CADM2: variants seen among roughly 807,000 people sequenced by gnomAD.
CADM2 encodes cell adhesion molecule 2.
A neutral mutation model predicts 49.8 loss-of-function variants in CADM2; 12 were observed. The observed-to-expected ratio is 0.24, with a 90% CI of 0.15 to 0.39. The LOEUF (loss-of-function observed/expected upper bound fraction) is 0.39, where lower values mean the gene tolerates loss of function less well. Among genes scored for constraint, CADM2 ranks in the 10% least tolerant of loss-of-function variants. The pLI is 1.00. For missense variants in CADM2, 378 were observed against 492.3 expected (o/e 0.77, Z 2.20); for synonymous variants, 214 against 175.4 (o/e 1.22, Z -1.74).
chr3:85,990,498 G>C lies in CADM2; in HGVS notation c.970+28851G>C, dbSNP rs559632660. ...ATCTGTATGTGATTGCTTATTGCAG[G>C]CTGCGTTGGGAAAAGACAGACTCTA... is the stretch of plus-strand genomic sequence containing the variant. On this transcript the variant is annotated intron_variant, in intron 8 of 9. Transcript: ENST00000383699. 4.5e-4 allele frequency among the ~76,000 whole-genome samples: 69 copies of C among 152,264 alleles called. No homozygotes were observed. The South Asian group carries it at 4.8e-3, about 11-fold the overall frequency.
Position 85,184,700 on chromosome 3 carries a change from T to G in CADM2, c.61+225032T>G, listed in dbSNP as rs112230730. ...GAGATAAACACCTAAATAAGTTAGC[T>G]GAATCAGATTAGGAATAACTTAACA... is the stretch of plus-strand genomic sequence containing the variant. On this transcript the variant is annotated intron_variant, in intron 1 of 9. Coordinates refer to ENST00000383699, the MANE Select transcript of CADM2 (RefSeq NM_001167675.2). Among the ~76,000 whole-genome samples, 1,052 of 152,192 alleles carry G rather than the reference T, an allele frequency of 6.9e-3. 10 individuals carry two copies. The highest frequency in any genetic ancestry group is 0.023 in the African/African-American group (963 of 41,554).
intron 8 of CADM2, among the ~76,000 whole-genome samples, chr3:86,035,990 G>C (rs1315316652): frequency 6.6e-6 from 1 of 152,034 alleles, no homozygotes; most frequent in African/African-American, 2.4e-5. Flanking sequence ...TGTCTCTTCT[G>C]TTTCTAAAAG....
intron 3 of CADM2, among the ~76,000 whole-genome samples, chr3:85,881,527 G>A (rs1323784301): frequency 6.6e-6 from 1 of 152,120 alleles, no homozygotes; most frequent in Admixed American, 6.5e-5. Flanking sequence ...AGAAGCAGTT[G>A]CCCTGTTAAG....
At chr3:85,915,370 T>C (rs2108488710) in intron 6 of CADM2, among the ~76,000 whole-genome samples, 1 of 152,234 alleles carries the variant, frequency 6.6e-6, no homozygotes, top group African/African-American at 2.4e-5. Flanking sequence ...TTAAATTATT[T>C]TCCTAGCATC....
At chr3:85,088,486 G>T (rs993174497) in intron 1 of CADM2, among the ~76,000 whole-genome samples, 1 of 152,030 alleles carries the variant, frequency 6.6e-6, no homozygotes, top group Admixed American at 6.6e-5. Context: ...AATGAAGTTT[G>T]TCTGAAACCA....
intron 1 of CADM2, among the ~76,000 whole-genome samples, chr3:85,673,969 A>C (rs1371239376): frequency 6.6e-6 from 1 of 152,166 alleles, no homozygotes; most frequent in Non-Finnish European, 1.5e-5. Flanking sequence ...ACCAAGAGTC[A>C]CTCAAACAGT....
chr3:85,283,334 A>G (rs986004852), intron 1 of CADM2, among the ~76,000 whole-genome samples: 7 of 151,734 alleles, frequency 4.6e-5, no homozygotes, highest in Non-Finnish European at 7.4e-5. Flanking sequence ...CCCTTCTTCC[A>G]TAAATATTAT....
chr3:85,549,733 C>T (rs2061752678), intron 1 of CADM2, among the ~76,000 whole-genome samples: 1 of 151,822 alleles, frequency 6.6e-6, no homozygotes, highest in African/African-American at 2.4e-5. Context: ...AAGTGATTCT[C>T]CTGCTTCAGC....
chr3:85,128,723 T>A (rs2039119374), intron 1 of CADM2, among the ~76,000 whole-genome samples: 1 of 152,178 alleles, frequency 6.6e-6, no homozygotes, highest in South Asian at 2.1e-4. Context: ...TTACTACCTA[T>A]GGGACAGGTT....
chr3:85,771,147 CA>C (rs1392895933), intron 2 of CADM2, among the ~76,000 whole-genome samples: 3 of 152,088 alleles, frequency 2.0e-5, no homozygotes, highest in Non-Finnish European at 4.4e-5. Flanking sequence ...AGCACTTTAT[CA>C]ATCTAAATTA....
At chr3:85,294,775 A>G (rs1247468686) in intron 1 of CADM2, among the ~76,000 whole-genome samples, 21 of 152,118 alleles carry the variant, frequency 1.4e-4, no homozygotes, top group Non-Finnish European at 2.9e-4. Flanking sequence ...CTTACACCTT[A>G]TACAAAAATC....
chr3:85,079,603 TATA>T (rs1178542967), intron 1 of CADM2, among the ~76,000 whole-genome samples: 21 of 151,910 alleles, frequency 1.4e-4, no homozygotes, highest in South Asian at 4.1e-4. Flanking sequence ...AAGAAAATCG[TATA>T]ATAATAAGAC....
At chr3:85,973,019 T>G (rs1726333087) in intron 8 of CADM2, among the ~76,000 whole-genome samples, 1 of 151,804 alleles carries the variant, frequency 6.6e-6, no homozygotes, top group Non-Finnish European at 1.5e-5. Context: ...TTTAATTTTT[T>G]TAATACTCCT....
chr3:85,976,714 T>G (rs1376368557), intron 8 of CADM2, among the ~76,000 whole-genome samples: 1 of 151,550 alleles, frequency 6.6e-6, no homozygotes. Flanking sequence ...TTTGGCACTT[T>G]CCACCAAATT....
chr3:85,496,784 T>C (rs2039921048), intron 1 of CADM2, among the ~76,000 whole-genome samples: 1 of 152,196 alleles, frequency 6.6e-6, no homozygotes, highest in South Asian at 2.1e-4. Flanking sequence ...TGTATGTCTC[T>C]GATGATTAGT....
chr3:85,879,484 C>A (rs35498642), intron 3 of CADM2, among the ~76,000 whole-genome samples: 2 of 151,696 alleles, frequency 1.3e-5, no homozygotes, highest in African/African-American at 2.4e-5. Flanking sequence ...AGAATTTTCC[C>A]AAAGGCTATA....
intron 2 of CADM2, among the ~76,000 whole-genome samples, chr3:85,749,674 G>T (rs1005485174): frequency 5.9e-5 from 9 of 152,030 alleles, no homozygotes; most frequent in African/African-American, 2.2e-4. Flanking sequence ...TAGAGAGGAA[G>T]AAATATGTGG....
At chr3:85,720,984 A>G (rs1341799648) in intron 1 of CADM2, among the ~76,000 whole-genome samples, 2 of 152,212 alleles carry the variant, frequency 1.3e-5, no homozygotes, top group African/African-American at 4.8e-5. Flanking sequence ...ATAATAGCTA[A>G]TGGTTACTAC....
At chr3:85,122,664 T>G (rs937224397) in intron 1 of CADM2, among the ~76,000 whole-genome samples, 4 of 152,112 alleles carry the variant, frequency 2.6e-5, no homozygotes, top group Non-Finnish European at 5.9e-5. Context: ...ATATGTTTAT[T>G]TATTTATAGC....
Sources: allele counts gnomAD v4.1 joint callset (sites outside exome capture counted in the v4.1 genomes callset), GRCh38; gene constraint gnomAD v4.1.1; transcripts MANE v1.5; gene names NCBI Gene and HGNC (gene_info 2026-07-23, HGNC 2026-07-21).